Variants in HNRNPU observed in about 807,000 individuals in gnomAD.
HNRNPU encodes the protein HNRNPU antisense RNA 1.
Under a neutral mutation model 94.7 loss-of-function variants are expected in HNRNPU, and 5 were observed. That is an observed-to-expected ratio of 0.05 (90% confidence interval 0.03 to 0.11). The LOEUF (loss-of-function observed/expected upper bound fraction) is 0.11, where lower values mean the gene tolerates loss of function less well. Among genes scored for constraint, HNRNPU ranks in the 10% least tolerant of loss-of-function variants. The pLI is 1.00. For synonymous variants in HNRNPU, 434 were observed against 381.6 expected (o/e 1.14, Z -1.60); for missense variants, 710 against 1,049.2 (o/e 0.68, Z 4.47).
Position 244,863,426 on chromosome 1 carries a change from G to A in HNRNPU, c.691+191C>T, listed in dbSNP as rs1472030964. On this transcript the variant is annotated intron_variant, in intron 1 of 13. Coordinates refer to ENST00000640218, the MANE Select transcript of HNRNPU (RefSeq NM_031844.3). ...CACACACACACACACACACACGCGC[G>A]CGCGCACACACACGCCCCGAGCCCG... Among the ~76,000 whole-genome samples, 3 of 149,354 alleles carry A rather than the reference G, an allele frequency of 2.0e-5. 1 individual carries two copies. The highest frequency in any genetic ancestry group is 4.5e-5 in the Non-Finnish European group (3 of 67,248).
Position 244,856,054 on chromosome 1 carries a change from T to C in HNRNPU, c.2017A>G (p.Ser673Gly). 1 of 1,614,120 alleles carries C rather than the reference T, an allele frequency of 6.2e-7. No homozygotes were observed. The highest frequency in any genetic ancestry group is 8.5e-7 in the Non-Finnish European group (1 of 1,179,986). ...QKLLEQYKEE[S>G]KKALPPEKKQ... ...TTTTCTGGTGGAAGAGCCTTTTTGC[T>C]TTCTTCCTTATATTGCTCCAAGAGT... is the stretch of plus-strand genomic sequence containing the variant. Residue 673 changes from serine (S) to glycine (G), a missense_variant, in exon 11 of 14, where the codon AGC becomes GGC. Physicochemically the swap from Ser to Gly is moderately conservative, Grantham distance 56. Transcript: ENST00000640218.
At position 244,856,440 on chromosome 1, in the gene HNRNPU, G is replaced by A. The variant is rs1480759234; in HGVS notation, c.1912+17C>T. The stretch of plus-strand genomic sequence containing the variant: ...AAAAAGAAGATTTCACACAGTAACA[G>A]AATTAAAATTCCATGCCTTTCATTT... On this transcript the variant is annotated intron_variant, in intron 10 of 13. Transcript: ENST00000640218. 2 of 1,599,686 alleles carry A rather than the reference G, an allele frequency of 1.3e-6. No homozygotes were observed. The highest frequency in any genetic ancestry group is 2.2e-5 in the East Asian group (1 of 44,758).
rs1247776672 is a variant in HNRNPU, at chr1:244,851,046, T to G, written c.*3404A>C. The G allele has an allele frequency of 6.6e-6, 1 of 152,144 alleles. No homozygotes were observed. The highest frequency in any genetic ancestry group is 2.4e-5 in the African/African-American group (1 of 41,430). The allele number at this position is 152,144 out of a possible 1,614,324, so 9.4% of individuals were successfully genotyped here. ...ATGGTCTCAAACTCCTGAGCTCAAG[T>G]GATCCTCCCGCCTTGGCCTCCCAAA... On this transcript the variant is annotated 3_prime_UTR_variant, in exon 14 of 14. Coordinates refer to ENST00000640218, the MANE Select transcript of HNRNPU (RefSeq NM_031844.3).
rs569734845 is a variant in HNRNPU at position 244,850,971 on chromosome 1, C to A, written c.*3479G>T. ...TAGATAAAATTCTCTGCTACAAGTTCCATCCACTTTTTTTTTTTCAAGAGA... is the reference window on the plus strand; with the variant it reads ...TAGATAAAATTCTCTGCTACAAGTTACATCCACTTTTTTTTTTTCAAGAGA... On this transcript the variant is annotated 3_prime_UTR_variant, in exon 14 of 14. Coordinates refer to ENST00000640218, the MANE Select transcript of HNRNPU (RefSeq NM_031844.3). 7 of 151,966 alleles carry A rather than the reference C, an allele frequency of 4.6e-5. No individual in the cohort carries two copies. Among genetic ancestry groups the A allele is most frequent in the Admixed American group, 2.6e-4 (4 of 15,260 alleles). 9.4% of individuals were successfully genotyped at this position (151,966 alleles called of 1,614,324 possible).
At chr1:244,858,558 A>T in intron 6 of HNRNPU, 171 bp downstream of exon 6, 1 of 614,342 alleles carries the variant, frequency 1.6e-6, no homozygotes, top group Admixed American at 3.2e-5. Context: ...GTTCCTCAAA[A>T]ATGTCCTGTG....
intron 4 of HNRNPU, chr1:244,860,009 G>GA (rs1491126114): frequency 8.9e-4 from 193 of 216,176 alleles, no homozygotes; most frequent in Middle Eastern, 3.5e-3. Flanking sequence ...TTTTAAAAAG[G>GA]AAAAAAAAAG....
At chr1:244,857,944 T>C (rs1680723366) in intron 7 of HNRNPU, 67 bp downstream of exon 7, 9 of 1,475,422 alleles carry the variant, frequency 6.1e-6, no homozygotes, top group Middle Eastern at 1.8e-4. Flanking sequence ...CTAGTTCTTC[T>C]AAATGTCATT....
Position 244,858,674 on chromosome 1 carries a change from C to T in HNRNPU, c.1230+55G>A, listed in dbSNP as rs184422626. Reference sequence around the variant, plus strand: ...CCTCAGTAAAGCTTCTTTAAAGTTCCTAGATATAGCTACTAACTTTGCCAT... The same window carrying T: ...CCTCAGTAAAGCTTCTTTAAAGTTCTTAGATATAGCTACTAACTTTGCCAT... On this transcript the variant is annotated intron_variant, in intron 6 of 13. Transcript: ENST00000640218. 1.9e-4 allele frequency: 173 copies of T among 915,548 alleles called. 1 individual carries two copies. The African/African-American group carries it at 2.4e-3, about 13-fold the overall frequency. 56.7% of individuals were successfully genotyped at this position (915,548 alleles called of 1,614,324 possible).
At position 244,855,918 on chromosome 1, in the gene HNRNPU, T is replaced by C; in HGVS notation, c.2153A>G (p.Asn718Ser). The C allele has an allele frequency of 1.2e-6, 2 of 1,613,726 alleles. No homozygotes were observed. The highest frequency in any genetic ancestry group is 1.7e-4 in the Middle Eastern group (1 of 6,060). ...GRGGFNMRGG[N>S]FRGGAPGNRG... ...AATTAACTTGCCTCCTCCTCTGAAA[T>C]TTCCACCACGCATATTGAATCCTCC... Residue 718 changes from asparagine to serine, a missense_variant, in exon 11 of 14, where the codon AAT becomes AGT. By Grantham distance (46) the Asn-to-Ser change is conservative. Around this residue, in one of 8 missense-constraint regions of HNRNPU, gnomAD observed 152 missense variants for 238.9 expected, o/e 0.64. Transcript: ENST00000640218.
intron 6 of HNRNPU, chr1:244,858,492 C>A (rs1680739704): frequency 1.6e-6 from 1 of 607,984 alleles, no homozygotes; most frequent in Non-Finnish European, 2.9e-6. Context: ...AGAAGCTAGA[C>A]TGAATTTTCT....
chr1:244,856,311 C>T (rs752279686), intron 10 of HNRNPU, 146 bp downstream of exon 10: 632 of 1,152,150 alleles, frequency 5.5e-4, no homozygotes, highest in Non-Finnish European at 7.1e-4. Flanking sequence ...AATTTTAATT[C>T]CTGAAGCAGT....
chr1:244,853,876 C>T lies in HNRNPU; in HGVS notation c.*574G>A, dbSNP rs578020057. 2 of 152,770 alleles carry T rather than the reference C, an allele frequency of 1.3e-5. No homozygotes were observed. The highest frequency in any genetic ancestry group is 4.1e-4 in the South Asian group (2 of 4,830). 9.5% of individuals were successfully genotyped at this position (152,770 alleles called of 1,614,324 possible). ...GTTTTCAATCCCAATTATACCAATT[C>T]CATTGTTATTTTAAGAAAAAACCTT... On this transcript the variant is annotated 3_prime_UTR_variant, in exon 14 of 14. Transcript: ENST00000640218.
chr1:244,861,470 G>GT (rs1680826055), intron 3 of HNRNPU: 2 of 152,092 alleles, frequency 1.3e-5, no homozygotes, highest in Non-Finnish European at 2.9e-5. Context: ...TTCACCTGCA[G>GT]TTTTTTCTTT....
Position 244,856,725 on chromosome 1 carries a change from T to C in HNRNPU, c.1743+3A>G. The stretch of plus-strand genomic sequence containing the variant: ...ATTTTTCAATTTCAAAGCTACAGCG[T>C]ACCTGATCCAGAATAAAATTTCGCT... On this transcript the variant is annotated splice_donor_region_variant and intron_variant, in intron 9 of 13. Coordinates refer to ENST00000640218, the MANE Select transcript of HNRNPU (RefSeq NM_031844.3). 1 of 1,611,008 alleles carries C rather than the reference T, an allele frequency of 6.2e-7. No homozygotes were observed. Among genetic ancestry groups the C allele is most frequent in the South Asian group, 1.1e-5 (1 of 90,114 alleles).
intron 12 of HNRNPU, 165 bp downstream of exon 12, chr1:244,855,259 A>C: frequency 1.3e-6 from 1 of 781,590 alleles, no homozygotes; most frequent in South Asian, 1.7e-5. Context: ...ACCTGAAAAA[A>C]CTCAAAAGTA....
Position 244,863,686 on chromosome 1 carries a change from G to C in HNRNPU, c.622C>G (p.Gln208Glu), listed in dbSNP as rs1573337552. 26 of 1,564,216 alleles carry C rather than the reference G, an allele frequency of 1.7e-5. No homozygotes were observed. Among genetic ancestry groups the C allele is most frequent in the Non-Finnish European group, 2.2e-5 (26 of 1,164,550 alleles). The change falls in exon 1 of 14, where the codon CAG (glutamine) becomes GAG (glutamate). Residue 208 changes from glutamine (Q) to glutamate (E), a missense_variant. Physicochemically the swap from Gln to Glu is conservative, Grantham distance 29. Coordinates refer to ENST00000640218, the MANE Select transcript of HNRNPU (RefSeq NM_031844.3). ...GCCTTCTTCTTACCTCCCGCCTGCT[G>C]CTGGCCCTGCCTCGCCCCGGGCGGC... is the stretch of plus-strand genomic sequence containing the variant. ...VAPPGARQGQ[Q>E]QAGGKKKAEG...
rs776354512 is a variant in HNRNPU, at chr1:244,862,441, G to C, written c.877+20C>G. 5 of 1,532,922 alleles carry C rather than the reference G, an allele frequency of 3.3e-6. No individual in the cohort carries two copies. In the South Asian group the frequency reaches 4.7e-5, roughly 14 times the overall value. 95.0% of individuals were successfully genotyped at this position (1,532,922 alleles called of 1,614,324 possible). On this transcript the variant is annotated intron_variant, in intron 3 of 13. Transcript: ENST00000640218. Reference sequence around the variant, plus strand: ...CACCATCACCGCATTTCATAATTGGGGAGAAACAGCTTCACTTACAAGTAT... The same window carrying C: ...CACCATCACCGCATTTCATAATTGGCGAGAAACAGCTTCACTTACAAGTAT...
intron 10 of HNRNPU, 120 bp from the exon 11 acceptor site, chr1:244,856,278 A>G (rs1013559758): frequency 5.5e-5 from 65 of 1,174,824 alleles, no homozygotes; most frequent in African/African-American, 4.8e-4. Context: ...CAGACCAAAC[A>G]TATATGCATA....
intron 3 of HNRNPU, chr1:244,862,111 C>G (rs1573335212): frequency 5.1e-6 from 1 of 196,132 alleles, no homozygotes; most frequent in African/African-American, 2.3e-5. Context: ...TATAATTCCA[C>G]AAAAAAATGA....
Sources: gnomAD v4.1 joint callset for allele counts (sites outside exome capture counted in the v4.1 genomes callset) on GRCh38, gnomAD v4.1.1 for gene constraint, gnomAD v4.1.1 regional missense constraint, MANE v1.5 for transcripts, NCBI Gene and HGNC (gene_info 2026-07-23, HGNC 2026-07-21) for gene names.